Variants in LHFPL2 observed in about 807,000 individuals in gnomAD.
LHFPL2 encodes LHFPL tetraspan subfamily member 2.
A neutral mutation model predicts 17.5 loss-of-function variants in LHFPL2; 7 were observed. The observed-to-expected ratio is 0.40, with a 90% CI of 0.23 to 0.75. The LOEUF (loss-of-function observed/expected upper bound fraction) is 0.75. Among genes scored for constraint, LHFPL2 ranks in the 30% least tolerant of loss-of-function variants. The pLI is 0.37. For missense variants in LHFPL2, 241 were observed against 294.8 expected (o/e 0.82, Z 1.34); for synonymous variants, 134 against 116.2 (o/e 1.15, Z -0.99).
rs1744342956 is a variant in LHFPL2, at chr5:78,609,489, G to GCT, written c.-245+22773_-245+22774dup. On this transcript the variant is annotated intron_variant, in intron 2 of 4. Coordinates refer to ENST00000380345, the MANE Select transcript of LHFPL2 (RefSeq NM_005779.3). ...AAAAAAAAAAAAAGAGAGAGAGCTT[G>GCT]CTTAAGTAAATTACAGCACATCTAT... 2.1e-5 allele frequency among the ~76,000 whole-genome samples: 3 copies of GCT among 142,032 alleles called. No homozygotes were observed. In the South Asian group the frequency reaches 6.6e-4, roughly 31 times the overall value. The allele number at this position is 142,032 out of a possible 152,430, so 93.2% of individuals were successfully genotyped here.
In LHFPL2 at chr5:78,486,380, G is replaced by C. The variant is rs1233787081; in HGVS notation, c.*2517C>G. On this transcript the variant is annotated 3_prime_UTR_variant, in exon 5 of 5. Transcript: ENST00000380345. ...ATAAGACTTTCCTGGTAGTAATAAT[G>C]GTCCTATTTATTAGAAAAATAAGTG... 6.6e-6 allele frequency: 1 copy of C among 152,060 alleles called. No individual in the cohort carries two copies. The highest frequency in any genetic ancestry group is 2.4e-5 in the African/African-American group (1 of 41,402). 9.4% of individuals were successfully genotyped at this position (152,060 alleles called of 1,614,324 possible).
At chr5:78,646,286 A>G (rs940525263) in intron 1 of LHFPL2, among the ~76,000 whole-genome samples, 13 of 152,220 alleles carry the variant, frequency 8.5e-5, no homozygotes, top group Non-Finnish European at 1.5e-4. Flanking sequence ...GCATGGGTCC[A>G]GACTCAACTC....
intron 2 of LHFPL2, among the ~76,000 whole-genome samples, chr5:78,585,959 A>G (rs1489818894): frequency 6.6e-6 from 1 of 152,180 alleles, no homozygotes; most frequent in Non-Finnish European, 1.5e-5. Context: ...GTCATGGAAC[A>G]TCAGAGCTTA....
At chr5:78,626,073 G>C (rs945266263) in intron 2 of LHFPL2, 3 of 152,268 alleles carry the variant, frequency 2.0e-5, no homozygotes, top group African/African-American at 7.2e-5. Flanking sequence ...TCATCCCAGA[G>C]TTATTAAACT....
chr5:78,509,702 G>A, intron 4 of LHFPL2, 82 bp downstream of exon 4: 1 of 1,379,078 alleles, frequency 7.3e-7, no homozygotes, highest in African/African-American at 1.4e-5. Flanking sequence ...CTAGCAGGAA[G>A]CGAATGCCCA....
intron 3 of LHFPL2, among the ~76,000 whole-genome samples, chr5:78,559,602 C>T (rs929169366): frequency 7.9e-5 from 12 of 152,190 alleles, no homozygotes; most frequent in Non-Finnish European, 1.8e-4. Context: ...CATTTAATTA[C>T]TCTGATTTGT....
intron 1 of LHFPL2, among the ~76,000 whole-genome samples, chr5:78,637,393 G>C (rs949680841): frequency 6.6e-6 from 1 of 151,974 alleles, no homozygotes; most frequent in Non-Finnish European, 1.5e-5. Context: ...TAGCTTGGGG[G>C]GAGGGGGGGA....
intron 3 of LHFPL2, among the ~76,000 whole-genome samples, chr5:78,560,840 T>C (rs1466318307): frequency 1.3e-5 from 2 of 152,034 alleles, no homozygotes; most frequent in African/African-American, 4.8e-5. Context: ...ATAAGGAAAA[T>C]AGTATTTTAC....
At chr5:78,572,472 GTA>G (rs921452123) in intron 2 of LHFPL2, among the ~76,000 whole-genome samples, 6 of 148,174 alleles carry the variant, frequency 4.0e-5, no homozygotes, top group Non-Finnish European at 7.4e-5. Context: ...ATATACATGT[GTA>G]TATATATGTG....
chr5:78,585,595 A>G (rs1002855852), intron 2 of LHFPL2, among the ~76,000 whole-genome samples: 2 of 152,134 alleles, frequency 1.3e-5, no homozygotes, highest in Non-Finnish European at 2.9e-5. Context: ...GGAGCTGCAT[A>G]CTGGAGTTGT....
rs372452593 is a variant in LHFPL2, at chr5:78,578,503, A to G, written c.-244-13632T>C. ...CTCTTGCAAGACGGAAGGTTCTGGT[A>G]CAGAGGTTTTGGCAATTCCATTTCA... On this transcript the variant is annotated intron_variant, in intron 2 of 4. Coordinates refer to ENST00000380345, the MANE Select transcript of LHFPL2 (RefSeq NM_005779.3). Among the ~76,000 whole-genome samples, 8 of 152,144 alleles carry G rather than the reference A, an allele frequency of 5.3e-5. 1 individual carries two copies. The highest frequency in any genetic ancestry group is 1.7e-4 in the African/African-American group (7 of 41,502).
intron 2 of LHFPL2, among the ~76,000 whole-genome samples, chr5:78,604,942 T>C (rs2097084186): frequency 6.6e-6 from 1 of 152,260 alleles, no homozygotes; most frequent in Non-Finnish European, 1.5e-5. Context: ...TAACAGAATG[T>C]ACTTAACTTT....
chr5:78,506,725 T>C (rs1314153597), intron 4 of LHFPL2, among the ~76,000 whole-genome samples: 1 of 152,182 alleles, frequency 6.6e-6, no homozygotes, highest in African/African-American at 2.4e-5. Flanking sequence ...TTTATGATTT[T>C]TTCTCTGAGG....
At chr5:78,575,257 C>T (rs867026863) in intron 2 of LHFPL2, among the ~76,000 whole-genome samples, 7 of 152,164 alleles carry the variant, frequency 4.6e-5, no homozygotes, top group Non-Finnish European at 7.4e-5. Context: ...TTGAAAACCA[C>T]CACATGGAGG....
chr5:78,607,171 C>A (rs1209170724), intron 2 of LHFPL2, among the ~76,000 whole-genome samples: 2 of 152,016 alleles, frequency 1.3e-5, no homozygotes, highest in Non-Finnish European at 2.9e-5. Flanking sequence ...AGTGTAATGG[C>A]ATGATCTCAG....
chr5:78,604,065 A>G (rs1744124692), intron 2 of LHFPL2, among the ~76,000 whole-genome samples: 1 of 152,236 alleles, frequency 6.6e-6, no homozygotes, highest in Non-Finnish European at 1.5e-5. Flanking sequence ...TAAAATGAGT[A>G]GAATGCAGTT....
chr5:78,510,973 G>A (rs1319323937), intron 3 of LHFPL2, among the ~76,000 whole-genome samples: 2 of 152,060 alleles, frequency 1.3e-5, no homozygotes, highest in Non-Finnish European at 2.9e-5. Context: ...AAGTGTGTTT[G>A]CTTCATAGGT....
At chr5:78,621,246 T>G (rs1005600876) in intron 2 of LHFPL2, among the ~76,000 whole-genome samples, 1 of 152,176 alleles carries the variant, frequency 6.6e-6, no homozygotes, top group Non-Finnish European at 1.5e-5. Context: ...TGAGCTGAAA[T>G]GTTTATGCAT....
chr5:78,548,903 T>C (rs766098600), intron 3 of LHFPL2: 5 of 152,232 alleles, frequency 3.3e-5, no homozygotes, highest in Non-Finnish European at 7.3e-5. Flanking sequence ...TCAGATTAGA[T>C]AAGAAAATTG....
Sources: gnomAD v4.1 joint callset for allele counts (sites outside exome capture counted in the v4.1 genomes callset) on GRCh38, gnomAD v4.1.1 for gene constraint, MANE v1.5 for transcripts, NCBI Gene and HGNC (gene_info 2026-07-23, HGNC 2026-07-21) for gene names.